SCML4: variants seen among roughly 807,000 people sequenced by gnomAD.
SCML4 encodes the protein Scm polycomb group protein like 4, also known as sex comb on midleg-like protein 4.
A neutral mutation model predicts 41.1 loss-of-function variants in SCML4; 34 were observed. The ratio of observed to expected loss-of-function variants is 0.83; its 90% CI spans 0.63 to 1.10. SCML4 has a LOEUF of 1.10. Ranked by LOEUF, SCML4 falls within the 50% of genes least tolerant of loss-of-function variation. The probability of loss-of-function intolerance (pLI) is 0.00; values close to 1 mark genes in which losing one functional copy is unlikely to be tolerated. For synonymous variants in SCML4, 214 were observed against 220.9 expected, an observed-to-expected ratio of 0.97 and a Z score of 0.28; for missense variants, 522 against 534.1, an observed-to-expected ratio of 0.98 and a Z score of 0.22.
intron 2 of SCML4, among the ~76,000 whole-genome samples, chr6:107,764,505 C>G (rs1779875818): frequency 6.6e-6 from 1 of 152,038 alleles, no homozygotes; most frequent in Non-Finnish European, 1.5e-5. Flanking sequence ...GGTTCAGATG[C>G]TGGTCTGTAT....
the SCML4 span, among the ~76,000 whole-genome samples, chr6:107,841,860 G>T: frequency 6.6e-6 from 1 of 152,182 alleles, no homozygotes; most frequent in Non-Finnish European, 1.5e-5. Flanking sequence ...TGCATTCACT[G>T]ATTTTTGTAG....
intron 1 of SCML4, among the ~76,000 whole-genome samples, chr6:107,814,544 T>A (rs1357762742): frequency 1.3e-5 from 2 of 152,152 alleles, no homozygotes; most frequent in Non-Finnish European, 2.9e-5. Flanking sequence ...TTTACAAACA[T>A]GTTTTTTTGT....
At chr6:107,841,403 T>C in the SCML4 span, among the ~76,000 whole-genome samples, 1 of 152,240 alleles carries the variant, frequency 6.6e-6, no homozygotes, top group African/African-American at 2.4e-5. Flanking sequence ...AAGTACCACT[T>C]ATCCAGAGGT....
chr6:107,817,600 A>G (rs1554312), intron 1 of SCML4, among the ~76,000 whole-genome samples: 94,349 of 137,312 alleles, frequency 0.69, 32,153 homozygotes, highest in East Asian at 0.81. Flanking sequence ...CAGCCTGGGC[A>G]ACAGAGGAAG....
chr6:107,741,896 C>CGGCTGACA (rs1195867620), intron 5 of SCML4, among the ~76,000 whole-genome samples: 1 of 152,154 alleles, frequency 6.6e-6, no homozygotes, highest in Non-Finnish European at 1.5e-5. Context: ...CAAGAAACAA[C>CGGCTGACA]GGCTGACAGG....
chr6:107,740,766 G>A (rs529134069), intron 5 of SCML4, among the ~76,000 whole-genome samples: 6 of 152,282 alleles, frequency 3.9e-5, no homozygotes, highest in Admixed American at 2.6e-4. Flanking sequence ...GGTGAGAGAT[G>A]GTAGGGTCAC....
intron 1 of SCML4, among the ~76,000 whole-genome samples, chr6:107,813,625 G>A (rs1016041381): frequency 6.6e-6 from 1 of 151,568 alleles, no homozygotes; most frequent in Non-Finnish European, 1.5e-5. Context: ...TACTTTTTCG[G>A]GAGGAAGATC....
intron 3 of SCML4, among the ~76,000 whole-genome samples, chr6:107,747,249 T>C (rs1382475037): frequency 6.6e-6 from 1 of 152,146 alleles, no homozygotes; most frequent in Non-Finnish European, 1.5e-5. Flanking sequence ...TTCTTCTCCC[T>C]CCTCCAAAGG....
In SCML4 at chr6:107,720,772, C is replaced by G. The variant is rs1775307427; in HGVS notation, c.904G>C (p.Ala302Pro). 1 of 1,612,354 alleles carries G rather than the reference C, an allele frequency of 6.2e-7. No individual in the cohort carries two copies. Among genetic ancestry groups the G allele is most frequent in the African/African-American group, 1.3e-5 (1 of 74,918 alleles). ...TSPMSSGGPS[A>P]PGLRPPASSP... ...GAGGCTGGAGGCCTCAGCCCAGGTG[C>G]CGAGGGGCCACCAGAAGACATGGGG... Residue 302 changes from alanine (A) to proline (P), a missense_variant, in exon 6 of 8, where the codon GCA (alanine) becomes CCA (proline). Transcript: ENST00000369020.
At chr6:107,719,951 T>C in intron 6 of SCML4, 1 of 985,488 alleles carries the variant, frequency 1.0e-6, no homozygotes. Context: ...TTCAAGCTAT[T>C]ACTATAATCC....
rs528699345 is a variant in SCML4, at chr6:107,748,616, A to G, written c.286+1068T>C. ...TCCCAGGTGATAAGAAAAATCTAAT[A>G]AGAGACCTTCATACAGGCACTATGC... On this transcript the variant is annotated intron_variant, in intron 3 of 7. Transcript: ENST00000369020. 5.9e-5 allele frequency among the ~76,000 whole-genome samples: 9 copies of G among 152,334 alleles called. No homozygotes were observed. In the South Asian group the frequency reaches 1.9e-3, roughly 32 times the overall value.
At chr6:107,705,432 T>G in intron 7 of SCML4, 107 bp from the exon 8 acceptor site, 1 of 1,011,196 alleles carries the variant, frequency 9.9e-7, no homozygotes, top group Non-Finnish European at 1.5e-6. Context: ...GGCATATGGA[T>G]TGATTTAGGC....
intron 5 of SCML4, among the ~76,000 whole-genome samples, chr6:107,731,389 A>G (rs530007003): frequency 2.6e-5 from 4 of 152,222 alleles, no homozygotes; most frequent in Admixed American, 6.5e-5. Context: ...TTATTCTCAC[A>G]TAATACCTAT....
intron 2 of SCML4, chr6:107,755,662 T>C: frequency 7.8e-7 from 1 of 1,289,716 alleles, no homozygotes; most frequent in Non-Finnish European, 1.0e-6. Context: ...TTGCCTTAGG[T>C]TTCTAAAAAA....
chr6:107,741,349 A>ACTGTTT (rs1302645182), intron 5 of SCML4, among the ~76,000 whole-genome samples: 5 of 152,168 alleles, frequency 3.3e-5, no homozygotes, highest in African/African-American at 1.2e-4. Context: ...CTCCCAATTC[A>ACTGTTT]CTGTTTCTAC....
intron 1 of SCML4, among the ~76,000 whole-genome samples, chr6:107,772,944 T>A (rs1295541453): frequency 6.6e-6 from 1 of 152,220 alleles, no homozygotes; most frequent in Non-Finnish European, 1.5e-5. Context: ...ATGTTCATTT[T>A]AACATGATTT....
At position 107,702,709 on chromosome 6, in the gene SCML4, G is replaced by A. The variant is rs1773284164; in HGVS notation, c.*2491C>T. Among the ~76,000 whole-genome samples the A allele has an allele frequency of 2.0e-5, 3 of 152,204 alleles. No individual in the cohort carries two copies. In the South Asian group the frequency reaches 6.2e-4, roughly 31 times the overall value. On this transcript the variant is annotated 3_prime_UTR_variant, in exon 8 of 8. Coordinates refer to ENST00000369020, the MANE Select transcript of SCML4 (RefSeq NM_198081.5). ...CGATTAATAAATTCTTAAGAGACAG[G>A]CCCTATCACCTTAAAATCTTGAAGA...
At chr6:107,726,042 A>G (rs1583418070) in intron 5 of SCML4, among the ~76,000 whole-genome samples, 1 of 145,876 alleles carries the variant, frequency 6.9e-6, no homozygotes. Context: ...GCGCCACTGC[A>G]CTCCAGCCTG....
intron 2 of SCML4, among the ~76,000 whole-genome samples, chr6:107,752,234 G>T (rs1477347108): frequency 6.6e-6 from 1 of 152,002 alleles, no homozygotes; most frequent in South Asian, 2.1e-4. Flanking sequence ...AAGGGAAGGA[G>T]GATAGAGTGG....
Sources: allele counts gnomAD v4.1 joint callset (sites outside exome capture counted in the v4.1 genomes callset), GRCh38; gene constraint gnomAD v4.1.1; transcripts MANE v1.5; gene names NCBI Gene and HGNC (gene_info 2026-07-23, HGNC 2026-07-21).